MBOAT1: variants seen among roughly 807,000 people sequenced by gnomAD.
MBOAT1 encodes membrane bound glycerophospholipid O-acyltransferase 1.
MBOAT1 carries 67 observed loss-of-function variants against 64.4 expected under a neutral mutation model. That is an observed-to-expected ratio of 1.04 (90% CI 0.85 to 1.27). MBOAT1 has a LOEUF of 1.27. Ranked by LOEUF, MBOAT1 falls within the 50% of genes most tolerant of loss-of-function variation. The probability of loss-of-function intolerance (pLI) is 0.00; values close to 1 mark genes in which losing one functional copy is unlikely to be tolerated. For missense variants in MBOAT1, 563 were observed against 604.6 expected (o/e 0.93, Z 0.72); for synonymous variants, 229 against 218.9 (o/e 1.05, Z -0.41).
At chr6:20,105,473 C>T (rs1488600943) in intron 12 of MBOAT1, among the ~76,000 whole-genome samples, 2 of 152,170 alleles carry the variant, frequency 1.3e-5, no homozygotes, top group Admixed American at 6.5e-5. Context: ...TACGCAAATT[C>T]TAACGTTCTG....
chr6:20,207,112 C>A (rs1395609546), intron 1 of MBOAT1, among the ~76,000 whole-genome samples: 1 of 152,220 alleles, frequency 6.6e-6, no homozygotes, highest in Non-Finnish European at 1.5e-5. Flanking sequence ...ATTCATCCGT[C>A]TAAAAATGTA....
chr6:20,180,480 G>A (rs1176250049), intron 1 of MBOAT1, among the ~76,000 whole-genome samples: 1 of 152,136 alleles, frequency 6.6e-6, no homozygotes, highest in Non-Finnish European at 1.5e-5. Context: ...ACCCAGTGGG[G>A]ACTCTTGGGC....
At chr6:20,115,252 T>A in intron 10 of MBOAT1, 36 bp downstream of exon 10, 2 of 1,517,972 alleles carry the variant, frequency 1.3e-6, no homozygotes, top group Non-Finnish European at 1.8e-6. Flanking sequence ...CATATCCCAG[T>A]GCCCTAAGTA....
intron 1 of MBOAT1, among the ~76,000 whole-genome samples, chr6:20,179,349 A>G (rs1762442941): frequency 6.6e-6 from 1 of 152,014 alleles, no homozygotes; most frequent in Non-Finnish European, 1.5e-5. Context: ...GTTCCCCCCA[A>G]CCATGTGTCC....
chr6:20,136,064 G>A (rs2113668250), intron 4 of MBOAT1, among the ~76,000 whole-genome samples: 1 of 152,290 alleles, frequency 6.6e-6, no homozygotes, highest in Non-Finnish European at 1.5e-5. Flanking sequence ...TGCAGAGGAG[G>A]AGGAGGATAT....
chr6:20,111,835 C>CATATATACATATATATAT, intron 11 of MBOAT1, among the ~76,000 whole-genome samples: 21 of 86,778 alleles, frequency 2.4e-4, no homozygotes, highest in African/African-American at 6.2e-4. Context: ...CATATATATA[C>CATATATACATATATATAT]ACATATATAT....
intron 1 of MBOAT1, among the ~76,000 whole-genome samples, chr6:20,210,821 A>G (rs1398987216): frequency 6.6e-6 from 1 of 152,140 alleles, no homozygotes; most frequent in Non-Finnish European, 1.5e-5. Context: ...ATGCAATTAA[A>G]ATACCTTCTG....
intron 3 of MBOAT1, among the ~76,000 whole-genome samples, chr6:20,149,637 C>T (rs1407904833): frequency 6.6e-6 from 1 of 152,060 alleles, no homozygotes; most frequent in Non-Finnish European, 1.5e-5. Flanking sequence ...GACACTATCC[C>T]CTTCAAGCAG....
At chr6:20,120,176 T>C (rs542472975) in intron 8 of MBOAT1, among the ~76,000 whole-genome samples, 2 of 152,196 alleles carry the variant, frequency 1.3e-5, no homozygotes, top group South Asian at 4.1e-4. Context: ...GCATACTACA[T>C]ACACGGGCCT....
intron 1 of MBOAT1, among the ~76,000 whole-genome samples, chr6:20,209,128 C>A (rs1036895645): frequency 1.3e-5 from 2 of 152,160 alleles, no homozygotes; most frequent in African/African-American, 4.8e-5. Context: ...CTACCACCTA[C>A]CATAACTCCA....
intron 1 of MBOAT1, among the ~76,000 whole-genome samples, chr6:20,177,798 A>G (rs1195255795): frequency 1.4e-5 from 2 of 144,696 alleles, no homozygotes; most frequent in Non-Finnish European, 3.1e-5. Context: ...AAAACAAAAA[A>G]CTTGGTAAAT....
At chr6:20,154,393 C>A (rs1761615464) in intron 1 of MBOAT1, among the ~76,000 whole-genome samples, 1 of 152,054 alleles carries the variant, frequency 6.6e-6, no homozygotes, top group Non-Finnish European at 1.5e-5. Flanking sequence ...ATTAGCTGAG[C>A]TTGGTGGCGG....
At chr6:20,173,263 C>A (rs1762252988) in intron 1 of MBOAT1, among the ~76,000 whole-genome samples, 1 of 151,976 alleles carries the variant, frequency 6.6e-6, no homozygotes. Context: ...CAGATGGATT[C>A]TATGAAGAAA....
At chr6:20,123,828 G>A (rs9350213) in intron 8 of MBOAT1, among the ~76,000 whole-genome samples, 71 of 152,050 alleles carry the variant, frequency 4.7e-4, no homozygotes, top group African/African-American at 1.5e-3. Flanking sequence ...AGGCCAGGGC[G>A]GGCAGATCAC....
intron 1 of MBOAT1, among the ~76,000 whole-genome samples, chr6:20,206,974 C>A (rs755392272): frequency 3.4e-4 from 51 of 152,230 alleles, no homozygotes; most frequent in Non-Finnish European, 5.1e-4. Context: ...CTTACCACCA[C>A]CAACTACTTG....
chr6:20,113,038 G>C (rs1018512604), intron 10 of MBOAT1, 30 bp from the exon 11 acceptor site: 1 of 1,603,090 alleles, frequency 6.2e-7, no homozygotes, highest in South Asian at 1.1e-5. Context: ...CAAGACACAG[G>C]TGAAACATAC....
chr6:20,197,570 G>A (rs1446913190), intron 1 of MBOAT1, among the ~76,000 whole-genome samples: 1 of 152,170 alleles, frequency 6.6e-6, no homozygotes, highest in Non-Finnish European at 1.5e-5. Flanking sequence ...TTCAGTGAAA[G>A]GCTAATCAGA....
chr6:20,110,867 T>C (rs899760791), intron 11 of MBOAT1, among the ~76,000 whole-genome samples: 16 of 152,230 alleles, frequency 1.1e-4, no homozygotes, highest in Non-Finnish European at 1.9e-4. Context: ...AATTATGTGA[T>C]GTATATCCTT....
chr6:20,190,143 C>T (rs574071432), intron 1 of MBOAT1, among the ~76,000 whole-genome samples: 22 of 152,034 alleles, frequency 1.4e-4, no homozygotes, highest in Non-Finnish European at 2.8e-4. Flanking sequence ...TACAGGCACC[C>T]GCCACCATGC....
Sources: gnomAD v4.1 joint callset for allele counts (sites outside exome capture counted in the v4.1 genomes callset) on GRCh38, gnomAD v4.1.1 for gene constraint, MANE v1.5 for transcripts, NCBI Gene and HGNC (gene_info 2026-07-23, HGNC 2026-07-21) for gene names.